FAM135B: variants seen among roughly 807,000 people sequenced by gnomAD.
FAM135B encodes the protein protein FAM135B.
FAM135B carries 43 observed loss-of-function variants against 127.7 expected under a neutral mutation model. The observed-to-expected ratio is 0.34, with a 90% confidence interval of 0.26 to 0.43. The LOEUF (loss-of-function observed/expected upper bound fraction) is 0.43. FAM135B is among the 20% of genes least tolerant of loss of function. The pLI, the probability that FAM135B is intolerant of heterozygous loss-of-function variation, is 1.00. For missense variants in FAM135B, 1,558 were observed against 1,725.6 expected (o/e 0.90, Z 1.72); for synonymous variants, 670 against 665.1 (o/e 1.01, Z -0.11).
At chr8:138,371,769 C>T (rs1467099838) in intron 1 of FAM135B, among the ~76,000 whole-genome samples, 1 of 152,202 alleles carries the variant, frequency 6.6e-6, no homozygotes, top group African/African-American at 2.4e-5. Context: ...ACCATGTGCA[C>T]ACACACCACA....
chr8:138,265,674 T>C (rs776453281), intron 4 of FAM135B, 29 bp downstream of exon 4: 5 of 1,612,954 alleles, frequency 3.1e-6, no homozygotes, highest in Non-Finnish European at 3.4e-6. Context: ...GAACAGCTAC[T>C]TGTGGCTGGT....
chr8:138,139,112 C>T lies in FAM135B; in HGVS notation c.3791-16G>A. On this transcript the variant is annotated splice_polypyrimidine_tract_variant and intron_variant, in intron 17 of 19. Transcript: ENST00000395297. ...AGCCATAAGCCTAGGAAGACAAAAA[C>T]AAAATAAAAATCAAAAACACAAAAC... 2.6e-6 allele frequency: 4 copies of T among 1,548,588 alleles called. No homozygotes were observed. The highest frequency in any genetic ancestry group is 3.5e-6 in the Non-Finnish European group (4 of 1,127,766).
At chr8:138,312,787 C>T (rs1157253230) in intron 2 of FAM135B, among the ~76,000 whole-genome samples, 1 of 152,190 alleles carries the variant, frequency 6.6e-6, no homozygotes, top group East Asian at 1.9e-4. Context: ...AGCCAGGCTT[C>T]CATCCCTAAC....
In FAM135B at chr8:138,243,090, G is replaced by A. The variant is rs1820965975; in HGVS notation, c.543-22C>T. Reference sequence around the variant, plus strand: ...AAAACTAAACAAAAGATAATTGAAAGGGTGAAAAAGGAGGTAAAGAAAGTG... The same window carrying A: ...AAAACTAAACAAAAGATAATTGAAAAGGTGAAAAAGGAGGTAAAGAAAGTG... On this transcript the variant is annotated intron_variant, in intron 6 of 19. Coordinates refer to ENST00000395297, the MANE Select transcript of FAM135B (RefSeq NM_015912.4). The surrounding 1 kb of genome is among the most constrained non-coding windows in gnomAD (Gnocchi z 7.5). 1 of 1,594,634 alleles carries A rather than the reference G, an allele frequency of 6.3e-7. No individual in the cohort carries two copies. The highest frequency in any genetic ancestry group is 2.2e-5 in the East Asian group (1 of 44,514).
chr8:138,287,645 A>G (rs1207927806), intron 3 of FAM135B, among the ~76,000 whole-genome samples: 1 of 152,088 alleles, frequency 6.6e-6, no homozygotes, highest in Non-Finnish European at 1.5e-5. Flanking sequence ...CTTCCCCCAA[A>G]CAGACCTGAT....
At chr8:138,433,892 T>C (rs1835331707) in intron 1 of FAM135B, among the ~76,000 whole-genome samples, 1 of 152,140 alleles carries the variant, frequency 6.6e-6, no homozygotes, top group African/African-American at 2.4e-5. Context: ...AGTATCATTA[T>C]CAGAAATCAA....
intron 7 of FAM135B, among the ~76,000 whole-genome samples, chr8:138,234,009 C>A (rs968773405): frequency 6.6e-6 from 1 of 152,126 alleles, no homozygotes; most frequent in South Asian, 2.1e-4. Flanking sequence ...ATTGTCATCA[C>A]GTGACATCTC....
At chr8:138,424,414 A>G (rs1320248818) in intron 1 of FAM135B, among the ~76,000 whole-genome samples, 1 of 152,240 alleles carries the variant, frequency 6.6e-6, no homozygotes, top group Non-Finnish European at 1.5e-5. Flanking sequence ...TTCCCACAAC[A>G]GTGAGAAAGA....
rs554088929 is a variant in FAM135B, at chr8:138,130,167, T to C, written c.*2426A>G. On this transcript the variant is annotated 3_prime_UTR_variant, in exon 20 of 20. Coordinates refer to ENST00000395297, the MANE Select transcript of FAM135B (RefSeq NM_015912.4). Reference sequence around the variant, plus strand: ...TTTTGTTTATAATTTTTACAATCAATAATAGAATGTCCCTGTTTTACATAA... The same window carrying C: ...TTTTGTTTATAATTTTTACAATCAACAATAGAATGTCCCTGTTTTACATAA... 7 of 150,842 alleles carry C rather than the reference T, an allele frequency of 4.6e-5. No homozygotes were observed. The highest frequency in any genetic ancestry group is 8.8e-5 in the Non-Finnish European group (6 of 67,828). 9.3% of individuals were successfully genotyped at this position (150,842 alleles called of 1,614,324 possible).
Position 138,310,967 on chromosome 8 carries a change from C to G in FAM135B, c.78-47G>C, listed in dbSNP as rs140707876. On this transcript the variant is annotated intron_variant, in intron 2 of 19. Transcript: ENST00000395297. Reference sequence around the variant, plus strand: ...GGGTGCTGAAGATCAGCCTTCTTAACGTTGACTTCTAAAAATACCTAGAAT... The same window carrying G: ...GGGTGCTGAAGATCAGCCTTCTTAAGGTTGACTTCTAAAAATACCTAGAAT... 2.0e-5 allele frequency: 30 copies of G among 1,478,998 alleles called. No homozygotes were observed. The East Asian group carries it at 6.0e-4, about 29-fold the overall frequency. The allele number at this position is 1,478,998 out of a possible 1,614,324, so 91.6% of individuals were successfully genotyped here.
rs1044043567 is a variant in FAM135B at position 138,243,338 on chromosome 8, G to A, written c.543-270C>T. ...CACCCTAAATGCCAACAACATACCT[G>A]TAAGAAACACTGAAGCAGAGCTCCA... On this transcript the variant is annotated intron_variant, in intron 6 of 19. Coordinates refer to ENST00000395297, the MANE Select transcript of FAM135B (RefSeq NM_015912.4). The surrounding 1 kb of genome is among the most constrained non-coding windows in gnomAD (Gnocchi z 7.5). Among the ~76,000 whole-genome samples, 1 of 152,202 alleles carries A rather than the reference G, an allele frequency of 6.6e-6. No homozygotes were observed. Among genetic ancestry groups the A allele is most frequent in the South Asian group, 2.1e-4 (1 of 4,834 alleles).
At chr8:138,492,356 T>A (rs1399294028) in intron 1 of FAM135B, among the ~76,000 whole-genome samples, 1 of 152,090 alleles carries the variant, frequency 6.6e-6, no homozygotes, top group Non-Finnish European at 1.5e-5. Context: ...TCTCTACTAT[T>A]CCTTCTCACA....
intron 2 of FAM135B, among the ~76,000 whole-genome samples, chr8:138,339,964 A>C (rs1828928169): frequency 6.6e-6 from 1 of 152,118 alleles, no homozygotes; most frequent in Admixed American, 6.5e-5. Context: ...CAGCCCCTCC[A>C]TCTGAATTCC....
chr8:138,243,200 G>T lies in FAM135B; in HGVS notation c.543-132C>A. On this transcript the variant is annotated intron_variant, in intron 6 of 19. Coordinates refer to ENST00000395297, the MANE Select transcript of FAM135B (RefSeq NM_015912.4). This position sits in a 1 kb window ranked among gnomAD's most constrained non-coding sequence, Gnocchi z 7.5. ...ATTTAGGAGTAGTTCACCCCCTAGG[G>T]AGTGTTTGCATGTGACATTTGTGGA... is the stretch of plus-strand genomic sequence containing the variant. 9.5e-7 allele frequency: 1 copy of T among 1,047,254 alleles called. No individual in the cohort carries two copies. Among genetic ancestry groups the T allele is most frequent in the Non-Finnish European group, 1.3e-6 (1 of 753,554 alleles). 64.9% of individuals were successfully genotyped at this position (1,047,254 alleles called of 1,614,324 possible).
chr8:138,458,788 G>A (rs1009652564), intron 1 of FAM135B, among the ~76,000 whole-genome samples: 3 of 152,108 alleles, frequency 2.0e-5, no homozygotes, highest in East Asian at 1.9e-4. Context: ...AAAAACGTAC[G>A]CTGACCGCTG....
At chr8:138,206,824 T>A (rs1817713630) in intron 7 of FAM135B, among the ~76,000 whole-genome samples, 1 of 150,446 alleles carries the variant, frequency 6.6e-6, no homozygotes, top group Non-Finnish European at 1.5e-5. Flanking sequence ...TACACACAAC[T>A]CCAGCATCCT....
At chr8:138,411,495 T>G (rs981249670) in intron 1 of FAM135B, among the ~76,000 whole-genome samples, 3 of 152,076 alleles carry the variant, frequency 2.0e-5, no homozygotes, top group African/African-American at 7.2e-5. Flanking sequence ...TCAAGATGGA[T>G]TAAAGACTTA....
chr8:138,321,177 A>G (rs1251508716), intron 2 of FAM135B, among the ~76,000 whole-genome samples: 1 of 152,132 alleles, frequency 6.6e-6, no homozygotes, highest in Non-Finnish European at 1.5e-5. Flanking sequence ...TTGCAGAATT[A>G]TTGTGAGGCA....
chr8:138,368,158 G>C (rs1830879598), intron 1 of FAM135B, among the ~76,000 whole-genome samples, 156 bp from the exon 2 acceptor site: 1 of 152,180 alleles, frequency 6.6e-6, no homozygotes, highest in South Asian at 2.1e-4. Context: ...TATGGAAAAA[G>C]ACACAGAGAG....
Sources: allele counts gnomAD v4.1 joint callset (sites outside exome capture counted in the v4.1 genomes callset), GRCh38; gene constraint gnomAD v4.1.1; non-coding constraint Gnocchi (gnomAD v3.1); transcripts MANE v1.5; gene names NCBI Gene and HGNC (gene_info 2026-07-23, HGNC 2026-07-21).